The following OSBP2 variants were observed in gnomAD, a reference collection of about 807,000 sequenced individuals.
The protein encoded by OSBP2 is oxysterol binding protein 2.
OSBP2 carries 66 observed loss-of-function variants against 96.0 expected under a neutral mutation model. The ratio of observed to expected loss-of-function variants is 0.69; its 90% CI spans 0.56 to 0.84. The LOEUF is 0.84. OSBP2 is among the 40% of genes least tolerant of loss of function. The pLI, the probability that OSBP2 is intolerant of heterozygous loss-of-function variation, is 0.00. For missense variants in OSBP2, 1,038 were observed against 1,222.7 expected (o/e 0.85, Z 2.25); for synonymous variants, 525 against 520.9 (o/e 1.01, Z -0.11).
intron 2 of OSBP2, among the ~76,000 whole-genome samples, chr22:30,767,335 A>G (rs2090288456): frequency 1.3e-5 from 2 of 151,822 alleles, no homozygotes; most frequent in Admixed American, 6.6e-5. Flanking sequence ...ATGTTGTTAT[A>G]CAAAATAAAC....
At chr22:30,694,192 T>TC (rs1569084426), upstream of OSBP2, 1 of 1,550,118 alleles carries the variant, frequency 6.5e-7, no homozygotes, top group East Asian at 2.4e-5. Flanking sequence ...CAAAAAGTCT[T>TC]CCCCTATTTG....
Position 30,803,807 on chromosome 22 carries a change from T to G in OSBP2, c.853+62438T>G, listed in dbSNP as rs866167864. ...GGGCAGGCACTGCCTGCCAGTGGGG[T>G]GTGTGTGTGTGTATGTGTGTGTGTG... On this transcript the variant is annotated intron_variant, in intron 2 of 13. Coordinates refer to ENST00000332585, the MANE Select transcript of OSBP2 (RefSeq NM_030758.4). Among the ~76,000 whole-genome samples, 248 of 138,112 alleles carry G rather than the reference T, an allele frequency of 1.8e-3. 1 individual carries two copies. Among genetic ancestry groups the G allele is most frequent in the Middle Eastern group, 3.5e-3 (1 of 286 alleles). The allele number at this position is 138,112 out of a possible 152,430, so 90.6% of individuals were successfully genotyped here. A position where few individuals can be genotyped will look rare whatever the true frequency, so the allele number is the denominator to read the frequency against.
At chr22:30,822,760 T>G (rs973654003) in intron 2 of OSBP2, 8 of 1,447,112 alleles carry the variant, frequency 5.5e-6, no homozygotes, top group South Asian at 2.5e-5. Flanking sequence ...TCCCCGCGCA[T>G]GCACGCCCGG....
chr22:30,888,743 A>G (rs977364936), intron 5 of OSBP2, among the ~76,000 whole-genome samples: 6 of 152,036 alleles, frequency 3.9e-5, no homozygotes, highest in South Asian at 2.1e-4. Flanking sequence ...TCAATAATCT[A>G]TCGGTCTTGC....
chr22:30,780,284 G>A (rs1156906979), intron 2 of OSBP2, among the ~76,000 whole-genome samples: 1 of 152,206 alleles, frequency 6.6e-6, no homozygotes, highest in Non-Finnish European at 1.5e-5. Context: ...AATGTGGCAC[G>A]GTGAAGATCC....
chr22:30,811,045 A>C (rs1195178579), intron 2 of OSBP2, among the ~76,000 whole-genome samples: 1 of 152,144 alleles, frequency 6.6e-6, no homozygotes, highest in African/African-American at 2.4e-5. Flanking sequence ...AAATTTAGTC[A>C]TCTTTCATGA....
chr22:30,868,876 GT>G (rs1250350162), intron 2 of OSBP2, among the ~76,000 whole-genome samples: 1 of 152,228 alleles, frequency 6.6e-6, no homozygotes, highest in African/African-American at 2.4e-5. Flanking sequence ...GGGAAGAAAC[GT>G]TCTCTCACAG....
intron 2 of OSBP2, among the ~76,000 whole-genome samples, chr22:30,868,436 G>A (rs891769953): frequency 1.4e-4 from 21 of 152,248 alleles, no homozygotes; most frequent in African/African-American, 4.8e-4. Flanking sequence ...TCTGGGGGCC[G>A]CAGTTGGGCT....
At chr22:30,742,160 T>A (rs2089947270) in intron 2 of OSBP2, among the ~76,000 whole-genome samples, 1 of 149,748 alleles carries the variant, frequency 6.7e-6, no homozygotes, top group Non-Finnish European at 1.5e-5. Flanking sequence ...CGGCTGGGTG[T>A]GGTGGCACAT....
chr22:30,696,550 C>A (rs1217856526), intron 1 of OSBP2, among the ~76,000 whole-genome samples: 2 of 152,222 alleles, frequency 1.3e-5, no homozygotes, highest in Non-Finnish European at 2.9e-5. Context: ...TTCATTGCTG[C>A]ACACAAAAGG....
At chr22:30,696,343 G>A (rs2089034743) in intron 1 of OSBP2, among the ~76,000 whole-genome samples, 1 of 152,190 alleles carries the variant, frequency 6.6e-6, no homozygotes, top group Non-Finnish European at 1.5e-5. Context: ...ACTCAGATCA[G>A]TCTATGCCAG....
chr22:30,694,848 C>A (rs1363707175), upstream of OSBP2: 2 of 759,298 alleles, frequency 2.6e-6, no homozygotes, highest in African/African-American at 3.7e-5. Context: ...GCCCCCGGCC[C>A]CGCCCCCGGC....
At chr22:30,820,399 A>AC (rs1569137136) in intron 2 of OSBP2, among the ~76,000 whole-genome samples, 1 of 151,792 alleles carries the variant, frequency 6.6e-6, no homozygotes, top group South Asian at 2.1e-4. Context: ...TAAAAAAAAA[A>AC]TAAAATTTTA....
chr22:30,797,966 G>A (rs2090788304), intron 2 of OSBP2, among the ~76,000 whole-genome samples: 1 of 152,108 alleles, frequency 6.6e-6, no homozygotes, highest in Non-Finnish European at 1.5e-5. Context: ...GGAATTGCTG[G>A]GTCATAATAA....
intron 1 of OSBP2, among the ~76,000 whole-genome samples, chr22:30,697,178 A>G (rs943318420): frequency 3.9e-5 from 6 of 152,364 alleles, no homozygotes; most frequent in South Asian, 2.1e-4. Context: ...GGTAATGTTT[A>G]TAAGTATAGT....
At chr22:30,740,636 C>T (rs937889609) in intron 1 of OSBP2, among the ~76,000 whole-genome samples, 1 of 152,098 alleles carries the variant, frequency 6.6e-6, no homozygotes, top group South Asian at 2.1e-4. Context: ...ATCTCTTTCA[C>T]TCTCAGTCAT....
intron 2 of OSBP2, among the ~76,000 whole-genome samples, chr22:30,802,704 G>T (rs1310561654): frequency 6.6e-6 from 1 of 152,266 alleles, no homozygotes; most frequent in Non-Finnish European, 1.5e-5. Context: ...TGGCTGAGGC[G>T]TGCCGGATCC....
At chr22:30,808,648 A>G (rs2090964147) in intron 2 of OSBP2, among the ~76,000 whole-genome samples, 1 of 152,198 alleles carries the variant, frequency 6.6e-6, no homozygotes, top group Admixed American at 6.5e-5. Context: ...TGATGTCCTT[A>G]TGAGAAGAGA....
At chr22:30,895,835 G>A (rs2040051803) in intron 12 of OSBP2, among the ~76,000 whole-genome samples, 1 of 151,692 alleles carries the variant, frequency 6.6e-6, no homozygotes, top group Admixed American at 6.6e-5. Context: ...CTACTCAGGA[G>A]GCTGAGGCAT....
Sources: allele counts gnomAD v4.1 joint callset (sites outside exome capture counted in the v4.1 genomes callset), GRCh38; gene constraint gnomAD v4.1.1; transcripts MANE v1.5; gene names NCBI Gene and HGNC (gene_info 2026-07-23, HGNC 2026-07-21).